BRIP1: variants seen among roughly 807,000 people sequenced by gnomAD.
BRIP1 encodes Fanconi anemia group J protein.
BRIP1 carries 88 observed loss-of-function variants against 119.7 expected under a neutral mutation model. The ratio of observed to expected loss-of-function variants is 0.74; its 90% CI spans 0.62 to 0.88. The LOEUF (loss-of-function observed/expected upper bound fraction) is 0.88, where lower values mean the gene tolerates loss of function less well. Among genes scored for constraint, BRIP1 ranks in the 40% least tolerant of loss-of-function variants. The pLI is 0.00. For synonymous variants in BRIP1, 443 were observed against 496.5 expected (o/e 0.89, Z 1.43); for missense variants, 1,259 against 1,455.4 (o/e 0.87, Z 2.20).
chr17:61,697,828 CAG>C (rs773556896), intron 17 of BRIP1, among the ~76,000 whole-genome samples: 41 of 149,740 alleles, frequency 2.7e-4, no homozygotes, highest in Non-Finnish European at 4.0e-4. Flanking sequence ...TTTTTTTAGA[CAG>C]AGTCTCGCTC....
At chr17:61,741,101 T>C (rs1355840511) in intron 16 of BRIP1, among the ~76,000 whole-genome samples, 1 of 152,236 alleles carries the variant, frequency 6.6e-6, no homozygotes, top group African/African-American at 2.4e-5. Flanking sequence ...TGTTGTCATT[T>C]CAACAATGTT....
rs1186067786 is a variant in BRIP1, at chr17:61,842,567, T to A, written c.627+4534A>T. Among the ~76,000 whole-genome samples the A allele has an allele frequency of 6.6e-6, 1 of 152,192 alleles. No homozygotes were observed. The highest frequency in any genetic ancestry group is 2.1e-4 in the South Asian group (1 of 4,824). On this transcript the variant is annotated intron_variant, in intron 6 of 19. Transcript: ENST00000259008. The surrounding 1 kb of genome is among the most constrained non-coding windows in gnomAD (Gnocchi z 5.1). ...TATCACACTGAATCCCATAAGTATGTATAATTATTATGTGTCAACAAAAAT... is the reference window on the plus strand; with the variant it reads ...TATCACACTGAATCCCATAAGTATGAATAATTATTATGTGTCAACAAAAAT...
rs2078823172 is a variant in BRIP1 at position 61,851,587 on chromosome 17, A to T, written c.380-2331T>A. Among the ~76,000 whole-genome samples, 1 of 152,150 alleles carries T rather than the reference A, an allele frequency of 6.6e-6. No homozygotes were observed. Among genetic ancestry groups the T allele is most frequent in the Non-Finnish European group, 1.5e-5 (1 of 68,028 alleles). Reference sequence around the variant, plus strand: ...CAAGTTTCTGGATACATGTGGGACCAAATTAGGGTTCTCTATACTTTTATA... The same window carrying T: ...CAAGTTTCTGGATACATGTGGGACCTAATTAGGGTTCTCTATACTTTTATA... On this transcript the variant is annotated intron_variant, in intron 4 of 19. Coordinates refer to ENST00000259008, the MANE Select transcript of BRIP1 (RefSeq NM_032043.3). The surrounding 1 kb of genome is among the most constrained non-coding windows in gnomAD (Gnocchi z 4.6).
chr17:61,817,327 C>T (rs893561488), intron 6 of BRIP1, among the ~76,000 whole-genome samples: 2 of 152,026 alleles, frequency 1.3e-5, no homozygotes, highest in Non-Finnish European at 2.9e-5. Context: ...TTCAAAAAGG[C>T]TTTTAAAAAA....
chr17:61,794,628 C>A lies in BRIP1; in HGVS notation c.1341-899G>T, dbSNP rs924099770. 2.0e-5 allele frequency among the ~76,000 whole-genome samples: 3 copies of A among 151,016 alleles called. No homozygotes were observed. The highest frequency in any genetic ancestry group is 6.6e-5 in the Admixed American group (1 of 15,104). Reference sequence around the variant, plus strand: ...GTGATGAAATAATATGTACAACAAACCCCCATAACATGTTTACCTGTATAA... The same window carrying A: ...GTGATGAAATAATATGTACAACAAAACCCCATAACATGTTTACCTGTATAA... On this transcript the variant is annotated intron_variant, in intron 9 of 19. Transcript: ENST00000259008. The surrounding 1 kb of genome is among the most constrained non-coding windows in gnomAD (Gnocchi z 4.3).
intron 6 of BRIP1, among the ~76,000 whole-genome samples, chr17:61,818,396 A>G (rs1456984374): frequency 6.6e-6 from 1 of 152,212 alleles, no homozygotes; most frequent in African/African-American, 2.4e-5. Flanking sequence ...TCTCAGGCAT[A>G]GCAAGATCAA....
chr17:61,746,709 T>A lies in BRIP1; in HGVS notation c.2098-2118A>T, dbSNP rs2077062693. 3.3e-5 allele frequency among the ~76,000 whole-genome samples: 5 copies of A among 152,104 alleles called. No individual in the cohort carries two copies. Among genetic ancestry groups the A allele is most frequent in the Admixed American group, 2.6e-4 (4 of 15,278 alleles). On this transcript the variant is annotated intron_variant, in intron 14 of 19. Transcript: ENST00000259008. This position sits in a 1 kb window ranked among gnomAD's most constrained non-coding sequence, Gnocchi z 4.9. ...TATAGCAAGCAAATAGTGATTGTAC[T>A]GAAGAGAGAAATAAACAGCAATATA...
chr17:61,731,521 T>C (rs2076842554), intron 16 of BRIP1, among the ~76,000 whole-genome samples: 1 of 152,242 alleles, frequency 6.6e-6, no homozygotes, highest in South Asian at 2.1e-4. Flanking sequence ...TCACATGCCA[T>C]TCTCTCAGAC....
rs1048240767 is a variant in BRIP1 at position 61,691,787 on chromosome 17, A to G, written c.2575+1643T>C. Among the ~76,000 whole-genome samples the G allele has an allele frequency of 2.6e-5, 4 of 152,170 alleles. No homozygotes were observed. Among genetic ancestry groups the G allele is most frequent in the Non-Finnish European group, 5.9e-5 (4 of 68,016 alleles). On this transcript the variant is annotated intron_variant, in intron 18 of 19. Transcript: ENST00000259008. The surrounding 1 kb of genome is among the most constrained non-coding windows in gnomAD (Gnocchi z 5.0). Reference sequence around the variant, plus strand: ...AATTCATATGGAACCACAAAGGACCACAAATAGGCAAAAGAACCTTGAGAA... The same window carrying G: ...AATTCATATGGAACCACAAAGGACCGCAAATAGGCAAAAGAACCTTGAGAA...
intron 6 of BRIP1, 49 bp downstream of exon 6, chr17:61,847,052 A>G: frequency 6.2e-7 from 1 of 1,610,400 alleles, no homozygotes; most frequent in South Asian, 1.1e-5. Flanking sequence ...TGGTTTAGAA[A>G]ATTCCATATC....
intron 6 of BRIP1, among the ~76,000 whole-genome samples, chr17:61,838,778 A>T (rs796649510): frequency 6.6e-6 from 1 of 151,696 alleles, no homozygotes; most frequent in Non-Finnish European, 1.5e-5. Context: ...ATAAAAAAAT[A>T]TAAAAAAAAG....
chr17:61,772,923 C>T (rs957683315), intron 14 of BRIP1, among the ~76,000 whole-genome samples: 3 of 151,270 alleles, frequency 2.0e-5, no homozygotes, highest in Non-Finnish European at 2.9e-5. Flanking sequence ...ACCTGCGAAG[C>T]CTCTGGGGAT....
intron 6 of BRIP1, among the ~76,000 whole-genome samples, chr17:61,826,720 T>C (rs1300349113): frequency 8.1e-6 from 1 of 122,722 alleles, no homozygotes; most frequent in East Asian, 2.2e-4. Context: ...AGAATGGCTA[T>C]TATTAAAAAG....
chr17:61,818,741 T>C (rs777781825), intron 6 of BRIP1, among the ~76,000 whole-genome samples: 28 of 152,118 alleles, frequency 1.8e-4, no homozygotes, highest in Non-Finnish European at 3.5e-4. Context: ...CCCTTAAAAA[T>C]CTGATTTAAA....
Position 61,753,603 on chromosome 17 carries a change from A to ATT in BRIP1, c.2098-9014_2098-9013dup, listed in dbSNP as rs573925559. 2.4e-4 allele frequency among the ~76,000 whole-genome samples: 34 copies of ATT among 143,118 alleles called. No individual in the cohort carries two copies. The East Asian group carries it at 2.8e-3, about 12-fold the overall frequency. 93.9% of individuals were successfully genotyped at this position (143,118 alleles called of 152,430 possible). On this transcript the variant is annotated intron_variant, in intron 14 of 19. Transcript: ENST00000259008. The surrounding 1 kb of genome is among the most constrained non-coding windows in gnomAD (Gnocchi z 4.6). Reference sequence around the variant, plus strand: ...AGCAAGAAAATCTTATTTCCTCTCCATTTTTTTTTTTTTTTAGAGATGGGA... The same window carrying ATT: ...AGCAAGAAAATCTTATTTCCTCTCCATTTTTTTTTTTTTTTTTAGAGATGGGA...
chr17:61,780,342 T>TC lies in BRIP1; in HGVS notation c.1853_1854insG (p.Pro619ThrfsTer20), dbSNP rs587781985. ...GTTCTGACGAAAAGGATTTCATTGG[T>TC]GATAATGTACCAGATGTCAAAACAA... On this transcript the variant is annotated frameshift_variant, in exon 13 of 20. Transcript: ENST00000259008. LOFTEE classifies it high-confidence loss of function. The surrounding 1 kb of genome is among the most constrained non-coding windows in gnomAD (Gnocchi z 5.4). 1 of 1,610,842 alleles carries TC rather than the reference T, an allele frequency of 6.2e-7. No individual in the cohort carries two copies. The highest frequency in any genetic ancestry group is 8.5e-7 in the Non-Finnish European group (1 of 1,177,078).
In BRIP1 at chr17:61,753,441, G is replaced by T. The variant is rs180691061; in HGVS notation, c.2098-8850C>A. ...ATGGAAATGTTGATATGGCAGTTGGGTATATGGGCATAGTACTTAAGGAAG... is the reference window on the plus strand; with the variant it reads ...ATGGAAATGTTGATATGGCAGTTGGTTATATGGGCATAGTACTTAAGGAAG... On this transcript the variant is annotated intron_variant, in intron 14 of 19. Transcript: ENST00000259008. The surrounding 1 kb of genome is among the most constrained non-coding windows in gnomAD (Gnocchi z 4.6). 6.6e-6 allele frequency among the ~76,000 whole-genome samples: 1 copy of T among 152,068 alleles called. No individual in the cohort carries two copies. Among genetic ancestry groups the T allele is most frequent in the Non-Finnish European group, 1.5e-5 (1 of 68,024 alleles).
At chr17:61,839,577 T>TA (rs2078627758) in intron 6 of BRIP1, among the ~76,000 whole-genome samples, 1 of 152,210 alleles carries the variant, frequency 6.6e-6, no homozygotes. Flanking sequence ...GTATGACATA[T>TA]ATCTCTTACA....
At chr17:61,797,176 A>G (rs2077912854) in intron 9 of BRIP1, among the ~76,000 whole-genome samples, 1 of 152,034 alleles carries the variant, frequency 6.6e-6, no homozygotes, top group Non-Finnish European at 1.5e-5. Flanking sequence ...TTATATTCTA[A>G]GCTATGATAC....
Sources: allele counts gnomAD v4.1 joint callset (sites outside exome capture counted in the v4.1 genomes callset), GRCh38; gene constraint gnomAD v4.1.1; non-coding constraint Gnocchi (gnomAD v3.1); transcripts MANE v1.5; gene names NCBI Gene and HGNC (gene_info 2026-07-23, HGNC 2026-07-21).